Variants in SPON2 observed in about 807,000 individuals in gnomAD.
The protein encoded by SPON2 is spondin-2.
SPON2 carries 32 observed loss-of-function variants against 29.9 expected under a neutral mutation model. That is an observed-to-expected ratio of 1.07 (90% CI 0.81 to 1.44). SPON2 has a LOEUF of 1.44. SPON2 is among the 40% of genes most tolerant of loss of function. The pLI is 0.00. For missense variants in SPON2, 541 were observed against 455.5 expected, an observed-to-expected ratio of 1.19 and a Z score of -1.71; for synonymous variants, 248 against 209.1, an observed-to-expected ratio of 1.19 and a Z score of -1.61.
upstream of SPON2, among the ~76,000 whole-genome samples, chr4:1,177,527 C>A (rs1484155816): frequency 6.6e-6 from 1 of 151,970 alleles, no homozygotes; most frequent in Non-Finnish European, 1.5e-5. Context: ...CCGCGTGGAG[C>A]AGACGGCATA....
chr4:1,171,350 G>T lies in SPON2; in HGVS notation c.357C>A (p.Ser119Arg), dbSNP rs766837495. Residue 119 changes from serine to arginine, a missense_variant, in exon 3 of 6, where the codon AGC (serine) becomes AGA (arginine). Coordinates refer to ENST00000290902, the MANE Select transcript of SPON2 (RefSeq NM_012445.4). ...CGGGCGCCGAAAACACCGCGTGCAC[G>T]CTCTGCAGCGCCTCCCCCGCCGCCT... The part of the protein sequence containing the change: ...EIEAAGEALQ[S>R]VHAVFSAPAV... 5 of 1,610,048 alleles carry T rather than the reference G, an allele frequency of 3.1e-6. No homozygotes were observed. The highest frequency in any genetic ancestry group is 3.4e-6 in the Non-Finnish European group (4 of 1,179,452).
chr4:1,171,247 C>A lies in SPON2; in HGVS notation c.444+16G>T, dbSNP rs1239709980. 7.0e-7 allele frequency: 1 copy of A among 1,436,088 alleles called. No homozygotes were observed. The highest frequency in any genetic ancestry group is 9.0e-7 in the Non-Finnish European group (1 of 1,105,430). 89.0% of individuals were successfully genotyped at this position (1,436,088 alleles called of 1,614,324 possible). On this transcript the variant is annotated intron_variant, in intron 3 of 5. Coordinates refer to ENST00000290902, the MANE Select transcript of SPON2 (RefSeq NM_012445.4). ...CCGGCCCCCCGGACCCCGCCCCCGG[C>A]CGGCCCCGCGCTCACCAGCGAGTGC...
At chr4:1,201,773 C>T (rs531029909) in intron 1 of SPON2, among the ~76,000 whole-genome samples, 13 of 152,034 alleles carry the variant, frequency 8.6e-5, no homozygotes, top group Non-Finnish European at 1.5e-4. Flanking sequence ...TTAGTAGAGA[C>T]GGGGTTTCAC....
intron 1 of SPON2, among the ~76,000 whole-genome samples, chr4:1,183,581 T>C (rs1469643415): frequency 2.6e-5 from 4 of 152,248 alleles, no homozygotes; most frequent in African/African-American, 7.2e-5. Context: ...CTCCACGTTT[T>C]GTTCATACTT....
At chr4:1,197,962 T>C (rs1455088964), upstream of SPON2, among the ~76,000 whole-genome samples, 12 of 151,014 alleles carry the variant, frequency 7.9e-5, 1 homozygote, top group South Asian at 1.0e-3. Flanking sequence ...ACAGAACAAT[T>C]GCTTGAATCC....
upstream of SPON2, among the ~76,000 whole-genome samples, chr4:1,173,822 T>C (rs980896494): frequency 6.6e-6 from 1 of 152,260 alleles, no homozygotes; most frequent in African/African-American, 2.4e-5. Flanking sequence ...ATGCAGTATT[T>C]AGACTCCAGG....
upstream of SPON2, among the ~76,000 whole-genome samples, chr4:1,174,871 T>C (rs937245990): frequency 6.6e-6 from 1 of 152,234 alleles, no homozygotes; most frequent in Non-Finnish European, 1.5e-5. Flanking sequence ...AATCCAGCCT[T>C]GGCTGCGTAT....
chr4:1,186,243 CAA>C (rs1269849796), intron 1 of SPON2, among the ~76,000 whole-genome samples: 7 of 61,748 alleles, frequency 1.1e-4, no homozygotes, highest in African/African-American at 1.7e-4. Context: ...GACTCCGTCT[CAA>C]AAAAAAAAAA....
intron 1 of SPON2, among the ~76,000 whole-genome samples, chr4:1,191,712 G>A (rs1253772791): frequency 1.3e-5 from 2 of 152,220 alleles, no homozygotes; most frequent in African/African-American, 2.4e-5. Flanking sequence ...CCTAGTGGGA[G>A]TGCAAGGACA....
At chr4:1,206,208 G>T (rs967452585) in intron 1 of SPON2, among the ~76,000 whole-genome samples, 1 of 152,178 alleles carries the variant, frequency 6.6e-6, no homozygotes, top group African/African-American at 2.4e-5. Flanking sequence ...GTGCCCCCAC[G>T]GGAGCCAGCG....
intron 1 of SPON2, among the ~76,000 whole-genome samples, chr4:1,206,713 G>C (rs1166451730): frequency 6.6e-6 from 1 of 152,202 alleles, no homozygotes; most frequent in African/African-American, 2.4e-5. Flanking sequence ...AAGCGGCCTT[G>C]CCCTGTGAGG....
In SPON2 at chr4:1,172,342, CT is replaced by C. The variant is rs1390425991; in HGVS notation, c.-4+201del. On this transcript the variant is annotated intron_variant, in intron 1 of 5. Transcript: ENST00000290902. ...AGTCCCTGCAGCTTGCCGGGCCGGT[CT>C]GGGTGCGGCCTCCGGGATGCCTTCG... The C allele has an allele frequency of 5.4e-6, 3 of 556,988 alleles. No individual in the cohort carries two copies. The African/African-American group carries it at 5.7e-5, about 11-fold the overall frequency. The allele number at this position is 556,988 out of a possible 1,614,324, so 34.5% of individuals were successfully genotyped here. A position where few individuals can be genotyped will look rare whatever the true frequency, so the allele number is the denominator to read the frequency against.
chr4:1,170,079 GCTTC>G (rs995061182), intron 5 of SPON2: 4 of 295,802 alleles, frequency 1.4e-5, no homozygotes, highest in Non-Finnish European at 2.5e-5. Context: ...ATCCTAGCAA[GCTTC>G]CTTGTCAGCT....
rs370219253 is a variant in SPON2, at chr4:1,170,296, G to A, written c.811+106C>T. The A allele has an allele frequency of 1.6e-5, 18 of 1,105,446 alleles. No individual in the cohort carries two copies. The East Asian group carries it at 1.9e-4, about 12-fold the overall frequency. The allele number at this position is 1,105,446 out of a possible 1,614,324, so 68.5% of individuals were successfully genotyped here. A position where few individuals can be genotyped will look rare whatever the true frequency, so the allele number is the denominator to read the frequency against. On this transcript the variant is annotated intron_variant, in intron 5 of 5. Transcript: ENST00000290902. ...GGCACCATCTTGCAGTACGCACTACGAATCCCTACTTGGAATTTCTCAGAG... is the reference window on the plus strand; with the variant it reads ...GGCACCATCTTGCAGTACGCACTACAAATCCCTACTTGGAATTTCTCAGAG...
chr4:1,204,042 T>C (rs1728279233), intron 1 of SPON2, among the ~76,000 whole-genome samples: 1 of 152,040 alleles, frequency 6.6e-6, no homozygotes, highest in Non-Finnish European at 1.5e-5. Flanking sequence ...TGGCTAATTG[T>C]TGTATTTTTA....
At chr4:1,205,569 C>G (rs1728320701) in intron 1 of SPON2, among the ~76,000 whole-genome samples, 1 of 122,118 alleles carries the variant, frequency 8.2e-6, no homozygotes, top group African/African-American at 2.9e-5. Flanking sequence ...CCCAGAGGCC[C>G]CATCGGAGCC....
intron 1 of SPON2, among the ~76,000 whole-genome samples, chr4:1,183,751 T>C (rs1727741839): frequency 6.6e-6 from 1 of 152,178 alleles, no homozygotes; most frequent in South Asian, 2.1e-4. Context: ...ATTAGAGTTA[T>C]AACATTAGAA....
intron 1 of SPON2, among the ~76,000 whole-genome samples, chr4:1,194,398 CG>C (rs911756044): frequency 2.6e-5 from 4 of 152,140 alleles, no homozygotes; most frequent in Admixed American, 6.5e-5. Context: ...GACCAGCCCC[CG>C]GGGGACAGCG....
At chr4:1,185,916 T>C (rs979009340) in intron 1 of SPON2, among the ~76,000 whole-genome samples, 1 of 152,034 alleles carries the variant, frequency 6.6e-6, no homozygotes, top group Non-Finnish European at 1.5e-5. Flanking sequence ...ATAGACAAAG[T>C]GGACGTCATG....
Sources: gnomAD v4.1 joint callset for allele counts (sites outside exome capture counted in the v4.1 genomes callset) on GRCh38, gnomAD v4.1.1 for gene constraint, MANE v1.5 for transcripts, NCBI Gene and HGNC (gene_info 2026-07-23, HGNC 2026-07-21) for gene names.